The following PI4KA variants were observed in gnomAD, a reference collection of about 807,000 sequenced individuals.
PI4KA encodes PI4-kinase alpha.
Under a neutral mutation model 271.4 loss-of-function variants are expected in PI4KA, and 122 were observed. The ratio of observed to expected loss-of-function variants is 0.45; its 90% CI spans 0.39 to 0.52. PI4KA has a LOEUF of 0.52. PI4KA is among the 20% of genes least tolerant of loss of function. The probability of loss-of-function intolerance (pLI) is 0.00; values close to 1 mark genes in which losing one functional copy is unlikely to be tolerated. For synonymous variants in PI4KA, 1,041 were observed against 1,078.8 expected, an observed-to-expected ratio of 0.96 and a Z score of 0.69; for missense variants, 1,969 against 2,769.1, an observed-to-expected ratio of 0.71 and a Z score of 6.48.
intron 7 of PI4KA, among the ~76,000 whole-genome samples, chr22:20,815,121 G>A (rs867390056): frequency 6.6e-6 from 1 of 151,886 alleles, no homozygotes; most frequent in Non-Finnish European, 1.5e-5. Context: ...GGTGGCTCAC[G>A]CCTGTAATCC....
intron 41 of PI4KA, among the ~76,000 whole-genome samples, chr22:20,726,804 G>T (rs1003090577): frequency 6.6e-6 from 1 of 152,176 alleles, no homozygotes; most frequent in Non-Finnish European, 1.5e-5. Flanking sequence ...GTCTGCTGTG[G>T]GTCAGACTCT....
intron 27 of PI4KA, among the ~76,000 whole-genome samples, chr22:20,750,394 G>A (rs1031537407): frequency 6.6e-6 from 1 of 152,212 alleles, no homozygotes; most frequent in Non-Finnish European, 1.5e-5. Flanking sequence ...TCGGCCCTCA[G>A]AACTGTAAGA....
chr22:20,780,503 C>T (rs1390520675), intron 19 of PI4KA, among the ~76,000 whole-genome samples: 5 of 152,180 alleles, frequency 3.3e-5, no homozygotes, highest in African/African-American at 1.2e-4. Flanking sequence ...CGCGGTGGCT[C>T]ACGCCTGTAA....
rs941488877 is a variant in PI4KA, at chr22:20,751,435, C to A, written c.3070-59G>T. 2.2e-5 allele frequency: 31 copies of A among 1,400,168 alleles called. No individual in the cohort carries two copies. In the Admixed American group the frequency reaches 5.4e-4, roughly 24 times the overall value. The allele number at this position is 1,400,168 out of a possible 1,614,324, so 86.7% of individuals were successfully genotyped here. A position where few individuals can be genotyped will look rare whatever the true frequency, so the allele number is the denominator to read the frequency against. ...GCCTTCCCCAAGTTGCCACTAGCAA[C>A]CACATGGGCCACCCCTACCCACCAC... On this transcript the variant is annotated intron_variant, in intron 26 of 54. Coordinates refer to ENST00000255882, the MANE Select transcript of PI4KA (RefSeq NM_058004.4).
chr22:20,761,063 G>A (rs1337821375), intron 23 of PI4KA, among the ~76,000 whole-genome samples: 2 of 152,048 alleles, frequency 1.3e-5, no homozygotes, highest in African/African-American at 2.4e-5. Context: ...GATGAGTGCT[G>A]GAGCACACTT....
Position 20,734,407 on chromosome 22 carries a change from G to GT in PI4KA, c.3887dup (p.Tyr1296Ter), listed in dbSNP as rs1928445874. 6.3e-7 allele frequency: 1 copy of GT among 1,589,848 alleles called. No individual in the cohort carries two copies. The highest frequency in any genetic ancestry group is 1.4e-5 in the African/African-American group (1 of 73,938). ...AACAGGCACGTACGTCGATCCAGAT[G>GT]TAGTGGGGGGTCACTTCGGGGGGAC... ...KPCPPEVTPH[Y>*]IWIDFLVQRF... Residue 1296 changes from tyrosine to a stop codon, truncating the protein, a stop_gained and frameshift_variant, in exon 33 of 55, where the codon TAC (tyrosine) becomes TAAC (stop). Transcript: ENST00000255882. LOFTEE classifies it high-confidence loss of function.
chr22:20,850,450 A>AC (rs1555910758), intron 1 of PI4KA, among the ~76,000 whole-genome samples: 1 of 149,240 alleles, frequency 6.7e-6, no homozygotes, highest in African/African-American at 2.5e-5. Context: ...TTAAAAAAAA[A>AC]TTTTTTTTTT....
intron 3 of PI4KA, among the ~76,000 whole-genome samples, chr22:20,833,034 T>C (rs772651638): frequency 5.3e-5 from 8 of 152,202 alleles, no homozygotes; most frequent in Non-Finnish European, 5.9e-5. Context: ...CTTTCAATCT[T>C]TGAAGCTGCT....
chr22:20,718,665 A>C (rs773075118), intron 44 of PI4KA, 28 bp downstream of exon 44: 1 of 1,611,882 alleles, frequency 6.2e-7, no homozygotes, highest in Non-Finnish European at 8.5e-7. Context: ...GAGATCCCAG[A>C]AGGTGGTTTC....
At chr22:20,824,467 C>T in intron 3 of PI4KA, 53 bp from the exon 4 acceptor site, 14 of 1,259,562 alleles carry the variant, frequency 1.1e-5, no homozygotes, top group Non-Finnish European at 1.6e-5. Flanking sequence ...TACTGGGTCA[C>T]ACCTCTGGCC....
At chr22:20,768,980 C>T (rs966750166) in intron 19 of PI4KA, among the ~76,000 whole-genome samples, 2 of 152,044 alleles carry the variant, frequency 1.3e-5, no homozygotes, top group African/African-American at 4.8e-5. Context: ...GGATAAGGTC[C>T]CAAGTGATGG....
chr22:20,764,054 G>T (rs1280438679), intron 22 of PI4KA, among the ~76,000 whole-genome samples: 3 of 152,220 alleles, frequency 2.0e-5, no homozygotes, highest in African/African-American at 4.8e-5. Flanking sequence ...ATTTGGGAAA[G>T]AAATTATTCT....
chr22:20,812,191 T>C (rs1921133675), intron 8 of PI4KA, among the ~76,000 whole-genome samples: 1 of 152,172 alleles, frequency 6.6e-6, no homozygotes, highest in Non-Finnish European at 1.5e-5. Flanking sequence ...CACCATTCTA[T>C]CTGGGGCACT....
intron 22 of PI4KA, 129 bp downstream of exon 22, chr22:20,764,688 G>T: frequency 1.0e-6 from 1 of 969,222 alleles, no homozygotes; most frequent in Non-Finnish European, 1.5e-6. Flanking sequence ...GGGTGTTTTT[G>T]CTTGGTTTTT....
chr22:20,721,448 G>A (rs763165847), intron 42 of PI4KA, 30 bp from the exon 43 acceptor site: 1 of 1,610,868 alleles, frequency 6.2e-7, no homozygotes. Flanking sequence ...CTGTCAGCCA[G>A]GCTCGGCCCT....
chr22:20,814,904 C>A (rs1310235735), intron 7 of PI4KA, among the ~76,000 whole-genome samples: 1 of 151,934 alleles, frequency 6.6e-6, no homozygotes, highest in Non-Finnish European at 1.5e-5. Flanking sequence ...CACATGTAAT[C>A]CCAGCACTTT....
chr22:20,813,370 T>G lies in PI4KA; in HGVS notation c.993A>C (p.Glu331Asp). ...GTTCTTTGCTTACCAGGTTTAAGAG[T>G]TCCCGAAGCATTTCCAATGGAATGT... is the stretch of plus-strand genomic sequence containing the variant. ...EFNIPLEMLR[E>D]LLNLVKKIVE... The change falls in exon 8 of 55, where the codon GAA becomes GAC. Residue 331 changes from glutamate to aspartate, a missense_variant. Coordinates refer to ENST00000255882, the MANE Select transcript of PI4KA (RefSeq NM_058004.4). The G allele has an allele frequency of 1.9e-6, 3 of 1,613,582 alleles. No homozygotes were observed. Among genetic ancestry groups the G allele is most frequent in the Non-Finnish European group, 2.5e-6 (3 of 1,179,522 alleles).
At chr22:20,710,573 T>C (rs1456391635) in intron 52 of PI4KA, 126 bp downstream of exon 52, 3 of 800,580 alleles carry the variant, frequency 3.7e-6, no homozygotes, top group Non-Finnish European at 6.1e-6. Flanking sequence ...AGGACAGGTG[T>C]AGGTCAGCAG....
At position 20,804,296 on chromosome 22, in the gene PI4KA, T is replaced by A; in HGVS notation, c.1461+4A>T. 1 of 1,604,834 alleles carries A rather than the reference T, an allele frequency of 6.2e-7. No individual in the cohort carries two copies. Among genetic ancestry groups the A allele is most frequent in the Non-Finnish European group, 8.5e-7 (1 of 1,171,468 alleles). Reference sequence around the variant, plus strand: ...TGAGCCTCTCTGGGTTCAGGGAGACTGACCTGCAGACAGCAGATCAGCAGG... The same window carrying A: ...TGAGCCTCTCTGGGTTCAGGGAGACAGACCTGCAGACAGCAGATCAGCAGG... On this transcript the variant is annotated splice_donor_region_variant and intron_variant, in intron 12 of 54. Coordinates refer to ENST00000255882, the MANE Select transcript of PI4KA (RefSeq NM_058004.4).
Sources: gnomAD v4.1 joint callset for allele counts (sites outside exome capture counted in the v4.1 genomes callset) on GRCh38, gnomAD v4.1.1 for gene constraint, MANE v1.5 for transcripts, NCBI Gene and HGNC (gene_info 2026-07-23, HGNC 2026-07-21) for gene names.